The following RANBP17 variants were observed in gnomAD, a reference collection of about 807,000 sequenced individuals.
RANBP17 encodes the protein ran-binding protein 17.
In RANBP17, 158 loss-of-function variants were observed where a neutral mutation model predicts 141.2. The observed-to-expected ratio is 1.12, with a 90% CI of 0.98 to 1.28. The LOEUF (loss-of-function observed/expected upper bound fraction) is 1.28, where lower values mean the gene tolerates loss of function less well. RANBP17 is among the 50% of genes most tolerant of loss of function. The pLI is 0.00. For synonymous variants in RANBP17, 430 were observed against 450.0 expected, an observed-to-expected ratio of 0.96 and a Z score of 0.56; for missense variants, 1,438 against 1,290.7, an observed-to-expected ratio of 1.11 and a Z score of -1.75.
At chr5:171,033,452 T>C (rs1781677743) in intron 14 of RANBP17, among the ~76,000 whole-genome samples, 1 of 152,166 alleles carries the variant, frequency 6.6e-6, no homozygotes, top group African/African-American at 2.4e-5. Context: ...TAGAACTTAC[T>C]GTAGTTATAA....
chr5:171,150,153 A>T (rs1369456937), intron 14 of RANBP17, among the ~76,000 whole-genome samples: 1 of 152,078 alleles, frequency 6.6e-6, no homozygotes, highest in East Asian at 1.9e-4. Flanking sequence ...GTAGTTGGGA[A>T]TTTTTCACAG....
At chr5:171,212,783 T>C (rs1048963527) in intron 20 of RANBP17, among the ~76,000 whole-genome samples, 2 of 152,144 alleles carry the variant, frequency 1.3e-5, no homozygotes, top group African/African-American at 2.4e-5. Context: ...GGCAGTGACA[T>C]AGAGTTTTTC....
chr5:171,245,077 C>T (rs556347581), intron 24 of RANBP17, among the ~76,000 whole-genome samples: 3 of 151,756 alleles, frequency 2.0e-5, no homozygotes, highest in South Asian at 4.2e-4. Context: ...TGCAGTGAGT[C>T]AAGATCATGC....
intron 14 of RANBP17, among the ~76,000 whole-genome samples, chr5:171,012,872 A>G (rs1361554322): frequency 6.6e-6 from 1 of 152,188 alleles, no homozygotes; most frequent in Non-Finnish European, 1.5e-5. Context: ...CGATCAAATC[A>G]CAGAATAGTT....
At chr5:171,001,544 G>A (rs1422483808) in intron 14 of RANBP17, among the ~76,000 whole-genome samples, 1 of 152,104 alleles carries the variant, frequency 6.6e-6, no homozygotes, top group African/African-American at 2.4e-5. Context: ...CCATGCAGGA[G>A]CTTAAATGGG....
intron 14 of RANBP17, among the ~76,000 whole-genome samples, chr5:171,159,897 G>T (rs1233043576): frequency 8.3e-6 from 1 of 121,100 alleles, no homozygotes; most frequent in South Asian, 2.7e-4. Flanking sequence ...CAGCCTGGGC[G>T]ACAGAGTGAG....
intron 14 of RANBP17, among the ~76,000 whole-genome samples, chr5:171,092,396 G>C (rs767572971): frequency 1.3e-5 from 2 of 152,168 alleles, no homozygotes; most frequent in Non-Finnish European, 2.9e-5. Flanking sequence ...TTCCCAGTTT[G>C]TGAGTGACGC....
intron 14 of RANBP17, among the ~76,000 whole-genome samples, chr5:171,155,717 T>C (rs1242289234): frequency 2.4e-4 from 37 of 152,158 alleles, no homozygotes; most frequent in Admixed American, 2.4e-3. Flanking sequence ...GTATAGTGGA[T>C]TGTCATCTTG....
intron 12 of RANBP17, among the ~76,000 whole-genome samples, chr5:170,952,520 TATA>T: frequency 6.6e-6 from 1 of 152,186 alleles, no homozygotes; most frequent in East Asian, 1.9e-4. Context: ...TTAATTGTAG[TATA>T]ATAATGACTG....
intron 14 of RANBP17, among the ~76,000 whole-genome samples, chr5:171,038,717 T>G (rs1175766635): frequency 2.0e-5 from 3 of 152,230 alleles, no homozygotes; most frequent in East Asian, 3.9e-4. Context: ...TATTGAAAGT[T>G]TTTTCCACAT....
intron 3 of RANBP17, among the ~76,000 whole-genome samples, chr5:170,892,132 T>C (rs978007295): frequency 1.2e-4 from 2 of 17,284 alleles, no homozygotes; most frequent in Admixed American, 6.3e-4. Context: ...CAAAATTCTT[T>C]TTTTTTTTTT....
chr5:171,015,135 G>T (rs1422793698), intron 14 of RANBP17, among the ~76,000 whole-genome samples: 1 of 151,950 alleles, frequency 6.6e-6, no homozygotes, highest in African/African-American at 2.4e-5. Flanking sequence ...GTGTGCCTTG[G>T]TTGTTTTCTT....
At chr5:170,904,111 A>G (rs965013837) in intron 5 of RANBP17, 15 of 383,412 alleles carry the variant, frequency 3.9e-5, no homozygotes, top group Non-Finnish European at 6.6e-5. Flanking sequence ...CAGATTTTAC[A>G]TCTTTGCAGA....
At chr5:171,144,054 G>GT (rs1757879635) in intron 14 of RANBP17, among the ~76,000 whole-genome samples, 1 of 152,070 alleles carries the variant, frequency 6.6e-6, no homozygotes, top group East Asian at 1.9e-4. Context: ...AGGAAGGAAG[G>GT]TTTTACCCTG....
intron 14 of RANBP17, among the ~76,000 whole-genome samples, chr5:171,061,876 G>C (rs951039263): frequency 6.6e-6 from 1 of 152,184 alleles, no homozygotes; most frequent in Non-Finnish European, 1.5e-5. Context: ...ATTTAGGATA[G>C]CTCTTCTTTT....
At chr5:171,073,239 T>C (rs114910282) in intron 14 of RANBP17, among the ~76,000 whole-genome samples, 15 of 152,206 alleles carry the variant, frequency 9.9e-5, no homozygotes, top group African/African-American at 3.4e-4. Context: ...AACTATATTA[T>C]AAATGCATGA....
At chr5:170,958,690 A>G (rs929941501) in intron 13 of RANBP17, among the ~76,000 whole-genome samples, 5 of 152,162 alleles carry the variant, frequency 3.3e-5, no homozygotes, top group African/African-American at 1.2e-4. Flanking sequence ...TTAGAAGATC[A>G]TGAAGCTCCT....
At chr5:170,882,034 A>C in intron 3 of RANBP17, 138 bp downstream of exon 3, 1 of 573,916 alleles carries the variant, frequency 1.7e-6, no homozygotes, top group East Asian at 2.9e-5. Context: ...TCATTTACTC[A>C]TCTGTGATGA....
Position 171,170,218 on chromosome 5 carries a change from TG to T in RANBP17, c.1784+17del. On this transcript the variant is annotated intron_variant, in intron 15 of 27. Transcript: ENST00000523189. ...ATGACAAAAATGTGAGTTCTTGTTT[TG>T]GTCTTTAATTTTTCTTTTGTTGTTG... is the stretch of plus-strand genomic sequence containing the variant. The T allele has an allele frequency of 6.8e-7, 1 of 1,478,262 alleles. No individual in the cohort carries two copies. The highest frequency in any genetic ancestry group is 9.2e-7 in the Non-Finnish European group (1 of 1,086,486). 91.6% of individuals were successfully genotyped at this position (1,478,262 alleles called of 1,614,324 possible).
Sources: gnomAD v4.1 joint callset for allele counts (sites outside exome capture counted in the v4.1 genomes callset) on GRCh38, gnomAD v4.1.1 for gene constraint, MANE v1.5 for transcripts, NCBI Gene and HGNC (gene_info 2026-07-23, HGNC 2026-07-21) for gene names.